The following HSP90AA1 variants were observed in gnomAD, a reference collection of about 807,000 sequenced individuals.
HSP90AA1 encodes the protein heat shock protein 90 alpha family class A member 1.
Under a neutral mutation model 73.3 loss-of-function variants are expected in HSP90AA1, and 18 were observed. The ratio of observed to expected loss-of-function variants is 0.25; its 90% CI spans 0.17 to 0.36. The LOEUF is 0.36. Among genes scored for constraint, HSP90AA1 ranks in the 10% least tolerant of loss-of-function variants. HSP90AA1 has a pLI of 1.00. For missense variants in HSP90AA1, 704 were observed against 874.2 expected (o/e 0.81, Z 2.45); for synonymous variants, 477 against 296.9 (o/e 1.61, Z -6.24).
intron 1 of HSP90AA1, among the ~76,000 whole-genome samples, chr14:102,136,138 A>G (rs560545287): frequency 6.6e-6 from 1 of 152,342 alleles, no homozygotes; most frequent in East Asian, 1.9e-4. Flanking sequence ...AGAATATGTA[A>G]TGTCTAAAGC....
chr14:102,125,208 G>C (rs567809524), intron 1 of HSP90AA1, among the ~76,000 whole-genome samples: 1 of 152,094 alleles, frequency 6.6e-6, no homozygotes, highest in African/African-American at 2.4e-5. Context: ...TGCCTAGGCT[G>C]GTCTCCAACT....
At chr14:102,110,600 G>T (rs11624698) in intron 1 of HSP90AA1, among the ~76,000 whole-genome samples, 104,844 of 144,412 alleles carry the variant, frequency 0.73, 40,855 homozygotes, top group East Asian at 0.92. Context: ...TTTTTTTTTT[G>T]AGACAGTCTT....
intron 6 of HSP90AA1, 50 bp from the exon 7 acceptor site, chr14:102,084,033 G>T (rs1161489559): frequency 7.3e-7 from 1 of 1,370,412 alleles, no homozygotes. Context: ...GGACAAAACT[G>T]GTACTATGTA....
chr14:102,087,262 A>G (rs1262422405), upstream of HSP90AA1: 126 of 426,590 alleles, frequency 3.0e-4, no homozygotes, highest in Non-Finnish European at 3.8e-4. Context: ...CCTTCCCTCA[A>G]TCGCCGCCGC....
Position 102,084,567 on chromosome 14 carries a change from G to A in HSP90AA1, c.982-3C>T, listed in dbSNP as rs2049176558. On this transcript the variant is annotated splice_polypyrimidine_tract_variant and splice_region_variant and intron_variant, in intron 5 of 10. Transcript: ENST00000216281. ...AACTGTCCTTCAACTGAAAAATGCT[G>A]TAATAAAACAGATACACTAAGTACC... The A allele has an allele frequency of 1.9e-6, 3 of 1,614,126 alleles. No homozygotes were observed. The highest frequency in any genetic ancestry group is 2.2e-5 in the East Asian group (1 of 44,880).
intron 1 of HSP90AA1, among the ~76,000 whole-genome samples, chr14:102,112,386 G>A (rs143136695): frequency 2.0e-5 from 3 of 152,296 alleles, no homozygotes; most frequent in African/African-American, 7.2e-5. Flanking sequence ...ATGTTGACCA[G>A]GATGGTCTTG....
chr14:102,101,025 G>A (rs978071667), intron 2 of HSP90AA1, among the ~76,000 whole-genome samples: 5 of 152,124 alleles, frequency 3.3e-5, no homozygotes, highest in East Asian at 1.9e-4. Context: ...AAATTACCAC[G>A]TGCTGGACAC....
At position 102,120,835 on chromosome 14, in the gene HSP90AA1, G is replaced by A. The variant is rs139433788; in HGVS notation, c.155+18415C>T. On this transcript the variant is annotated intron_variant, in intron 1 of 11. Coordinates refer to the HSP90AA1 transcript ENST00000334701. ...CGCCTATAATCCCAGCTACTCAGGAGGCAGAGGCAGGAGGATCGCTTGAAC... is the reference window on the plus strand; with the variant it reads ...CGCCTATAATCCCAGCTACTCAGGAAGCAGAGGCAGGAGGATCGCTTGAAC... 9.0e-4 allele frequency among the ~76,000 whole-genome samples: 136 copies of A among 151,924 alleles called. 1 individual carries two copies. The East Asian group carries it at 0.024, about 26-fold the overall frequency.
chr14:102,130,985 T>C (rs1322914303), intron 1 of HSP90AA1, among the ~76,000 whole-genome samples: 1 of 152,180 alleles, frequency 6.6e-6, no homozygotes, highest in Non-Finnish European at 1.5e-5. Context: ...TCCCAAGGTA[T>C]TGGGATTACA....
Position 102,129,598 on chromosome 14 carries a change from G to C in HSP90AA1, c.155+9652C>G, listed in dbSNP as rs994151902. On this transcript the variant is annotated intron_variant, in intron 1 of 11. Coordinates refer to the HSP90AA1 transcript ENST00000334701. ...GCTCACTGCAGCCTCCGCCTCCCGG[G>C]TTCAAGCAATTCTCCTGCCTCAGCC... is the stretch of plus-strand genomic sequence containing the variant. Among the ~76,000 whole-genome samples the C allele has an allele frequency of 8.6e-5, 13 of 151,428 alleles. 1 individual carries two copies. The highest frequency in any genetic ancestry group is 1.3e-4 in the Admixed American group (2 of 15,168).
chr14:102,137,050 C>T (rs1395351586), intron 1 of HSP90AA1, among the ~76,000 whole-genome samples: 2 of 151,914 alleles, frequency 1.3e-5, no homozygotes, highest in Non-Finnish European at 2.9e-5. Context: ...CCCGTCTCTA[C>T]TAAAAATACA....
At chr14:102,129,661 C>G (rs2152626481) in intron 1 of HSP90AA1, among the ~76,000 whole-genome samples, 1 of 152,078 alleles carries the variant, frequency 6.6e-6, no homozygotes. Flanking sequence ...CGCCACCATT[C>G]CCAGCTAATT....
chr14:102,102,121 C>G lies in HSP90AA1; in HGVS notation c.156-36G>C, dbSNP rs141133244. On this transcript the variant is annotated intron_variant, in intron 1 of 11. Coordinates refer to the HSP90AA1 transcript ENST00000334701. ...AAACACAATCTTCTGGACTTCCAAA[C>G]CAAACATAACAGAGATAGGGCGGCA... is the stretch of plus-strand genomic sequence containing the variant. 891 of 1,573,028 alleles carry G rather than the reference C, an allele frequency of 5.7e-4. 2 individuals carry two copies. The highest frequency in any genetic ancestry group is 7.4e-4 in the Non-Finnish European group (846 of 1,143,280).
rs35778744 is a variant in HSP90AA1 at position 102,105,206 on chromosome 14, C to CAA, written c.156-3123_156-3122dup. Among the ~76,000 whole-genome samples, 68 of 20,728 alleles carry CAA rather than the reference C, an allele frequency of 3.3e-3. 3 individuals are homozygous for CAA. The highest frequency in any genetic ancestry group is 0.016 in the Middle Eastern group (1 of 64). 13.6% of individuals were successfully genotyped at this position (20,728 alleles called of 152,430 possible). A position where few individuals can be genotyped will look rare whatever the true frequency, so the allele number is the denominator to read the frequency against. ...TGGGCGACAGAGTGAGAGTCTGTCT[C>CAA]AAAAAAAAAAAACAAAAAAAAAACC... On this transcript the variant is annotated intron_variant, in intron 1 of 11. Coordinates refer to the HSP90AA1 transcript ENST00000334701.
chr14:102,118,047 A>G (rs747504508), intron 1 of HSP90AA1, among the ~76,000 whole-genome samples: 9 of 152,182 alleles, frequency 5.9e-5, no homozygotes, highest in Non-Finnish European at 5.9e-5. Context: ...CTGACTGCAC[A>G]GTGGCTGGAC....
chr14:102,122,604 A>C (rs536402524), intron 1 of HSP90AA1, among the ~76,000 whole-genome samples: 18 of 150,718 alleles, frequency 1.2e-4, no homozygotes, highest in Admixed American at 1.0e-3. Context: ...AATACATATT[A>C]ATATTTGGGA....
At chr14:102,119,939 G>T (rs1006299795) in intron 1 of HSP90AA1, among the ~76,000 whole-genome samples, 1 of 152,174 alleles carries the variant, frequency 6.6e-6, no homozygotes, top group African/African-American at 2.4e-5. Context: ...GAAATTAAAA[G>T]CTTTCCTGAA....
chr14:102,083,576 C>T lies in HSP90AA1; in HGVS notation c.1456G>A (p.Glu486Lys), dbSNP rs766749056. The T allele has an allele frequency of 1.9e-6, 3 of 1,613,844 alleles. No individual in the cohort carries two copies. Among genetic ancestry groups the T allele is most frequent in the Non-Finnish European group, 2.5e-6 (3 of 1,179,874 alleles). The part of the protein sequence containing the change: ...SLKDYCTRMK[E>K]NQKHIYYITG... Reference sequence around the variant, plus strand: ...ATATAATAGATATGTTTCTGGTTCTCCTTCATTCTGGTGCAGTAGTCCTTG... The same window carrying T: ...ATATAATAGATATGTTTCTGGTTCTTCTTCATTCTGGTGCAGTAGTCCTTG... Residue 486 changes from glutamate (E) to lysine (K), a missense_variant, in exon 8 of 11, where the codon GAG (glutamate) becomes AAG (lysine). Transcript: ENST00000216281.
At chr14:102,095,577 G>A (rs1360594522) in intron 2 of HSP90AA1, among the ~76,000 whole-genome samples, 4 of 152,200 alleles carry the variant, frequency 2.6e-5, no homozygotes, top group African/African-American at 4.8e-5. Context: ...ATACAAACAA[G>A]TGGGATGCCT....
Sources: gnomAD v4.1 joint callset for allele counts (sites outside exome capture counted in the v4.1 genomes callset) on GRCh38, gnomAD v4.1.1 for gene constraint, MANE v1.5 for transcripts, NCBI Gene and HGNC (gene_info 2026-07-23, HGNC 2026-07-21) for gene names.